Variants in SDCCAG8 observed in about 807,000 individuals in gnomAD.
The protein encoded by SDCCAG8 is serologically defined colon cancer antigen 8.
Under a neutral mutation model 101.8 loss-of-function variants are expected in SDCCAG8, and 74 were observed. The observed-to-expected ratio is 0.73, with a 90% CI of 0.60 to 0.88. SDCCAG8 has a LOEUF of 0.88. SDCCAG8 is among the 40% of genes least tolerant of loss of function. The pLI, the probability that SDCCAG8 is intolerant of heterozygous loss-of-function variation, is 0.00. For missense variants in SDCCAG8, 787 were observed against 822.6 expected, an observed-to-expected ratio of 0.96 and a Z score of 0.53; for synonymous variants, 281 against 292.9, an observed-to-expected ratio of 0.96 and a Z score of 0.41.
intron 8 of SDCCAG8, among the ~76,000 whole-genome samples, 180 bp from the exon 9 acceptor site, chr1:243,316,575 C>T (rs1240239600): frequency 1.3e-5 from 2 of 152,134 alleles, no homozygotes; most frequent in Non-Finnish European, 2.9e-5. Context: ...TCTGGCTGCT[C>T]CGCCCGCCGC....
intron 16 of SDCCAG8, among the ~76,000 whole-genome samples, chr1:243,446,979 C>T (rs568014443): frequency 1.3e-5 from 2 of 152,234 alleles, no homozygotes; most frequent in Admixed American, 6.5e-5. Context: ...TGGCCGGGCA[C>T]GGTGTCTCAC....
At chr1:243,475,810 T>A (rs1662292046) in intron 16 of SDCCAG8, 1 of 311,074 alleles carries the variant, frequency 3.2e-6, no homozygotes, top group East Asian at 1.7e-4. Flanking sequence ...GTGTGCTACT[T>A]TTGAAAAATA....
intron 16 of SDCCAG8, among the ~76,000 whole-genome samples, chr1:243,468,804 CA>C (rs1454208208): frequency 2.0e-5 from 3 of 152,224 alleles, no homozygotes; most frequent in Non-Finnish European, 4.4e-5. Flanking sequence ...TATTGAATCA[CA>C]ATTACCTCAT....
At chr1:243,486,528 G>A (rs895378889) in intron 16 of SDCCAG8, among the ~76,000 whole-genome samples, 3 of 152,202 alleles carry the variant, frequency 2.0e-5, no homozygotes, top group Non-Finnish European at 4.4e-5. Flanking sequence ...AAGCACTCTG[G>A]ACTAAACCTC....
intron 17 of SDCCAG8, among the ~76,000 whole-genome samples, chr1:243,492,295 CTTTTTTTTT>C (rs33950392): frequency 4.8e-5 from 3 of 63,130 alleles, no homozygotes; most frequent in African/African-American, 1.3e-4. Context: ...CGTTTCTTGG[CTTTTTTTTT>C]TTTTTTTTTT....
intron 16 of SDCCAG8, among the ~76,000 whole-genome samples, chr1:243,482,798 C>T: frequency 6.6e-6 from 1 of 152,222 alleles, no homozygotes; most frequent in East Asian, 1.9e-4. Flanking sequence ...CAACCACATC[C>T]TGGGGGCCCT....
chr1:243,450,380 T>C (rs2083261069), intron 16 of SDCCAG8, among the ~76,000 whole-genome samples: 1 of 152,226 alleles, frequency 6.6e-6, no homozygotes, highest in Non-Finnish European at 1.5e-5. Context: ...TTAGCTATTT[T>C]GCAACTCCTT....
At position 243,264,277 on chromosome 1, in the gene SDCCAG8, C is replaced by G. The variant is rs1352967419; in HGVS notation, c.68-5828C>G. ...TGATGAAGACAGGCCCAGTGGTGAC[C>G]TAAGAGTTAGAACATAGGAAGTAGG... On this transcript the variant is annotated intron_variant, in intron 1 of 17. Coordinates refer to ENST00000366541, the MANE Select transcript of SDCCAG8 (RefSeq NM_006642.5). 2.6e-5 allele frequency among the ~76,000 whole-genome samples: 4 copies of G among 152,226 alleles called. No individual in the cohort carries two copies. In the East Asian group the frequency reaches 7.7e-4, roughly 29 times the overall value.
chr1:243,479,240 G>A (rs1663022146), intron 16 of SDCCAG8, among the ~76,000 whole-genome samples: 1 of 152,206 alleles, frequency 6.6e-6, no homozygotes, highest in South Asian at 2.1e-4. Flanking sequence ...AATAGCTAGC[G>A]ATATTTGAAG....
intron 12 of SDCCAG8, among the ~76,000 whole-genome samples, chr1:243,346,801 G>T (rs945951987): frequency 6.6e-6 from 1 of 152,138 alleles, no homozygotes; most frequent in Non-Finnish European, 1.5e-5. Context: ...GAGGCATTTG[G>T]TATGGAGGAG....
chr1:243,391,081 G>T (rs764379704), intron 13 of SDCCAG8, among the ~76,000 whole-genome samples: 1 of 152,180 alleles, frequency 6.6e-6, no homozygotes, highest in Non-Finnish European at 1.5e-5. Context: ...TGACATGTGC[G>T]TGCCACTGTG....
At chr1:243,427,589 C>G in intron 16 of SDCCAG8, among the ~76,000 whole-genome samples, 1 of 152,056 alleles carries the variant, frequency 6.6e-6, no homozygotes, top group Non-Finnish European at 1.5e-5. Flanking sequence ...CATGCCTTCT[C>G]TGTTTCAAAA....
chr1:243,468,572 G>A (rs943550762), intron 16 of SDCCAG8, among the ~76,000 whole-genome samples: 3 of 152,130 alleles, frequency 2.0e-5, no homozygotes, highest in Non-Finnish European at 4.4e-5. Context: ...CTGTAAACTC[G>A]GTGCTTTGGG....
At chr1:243,360,527 T>C (rs2076645764) in intron 12 of SDCCAG8, among the ~76,000 whole-genome samples, 1 of 152,002 alleles carries the variant, frequency 6.6e-6, no homozygotes, top group Non-Finnish European at 1.5e-5. Context: ...AGAGAAAGTC[T>C]GTTAAACTTT....
intron 13 of SDCCAG8, among the ~76,000 whole-genome samples, chr1:243,386,772 A>C (rs866194349): frequency 3.6e-5 from 5 of 139,058 alleles, no homozygotes; most frequent in South Asian, 2.4e-4. Flanking sequence ...AGAAAGTGAG[A>C]GAGAGAGAGA....
At chr1:243,375,151 G>A (rs1437230638) in intron 12 of SDCCAG8, among the ~76,000 whole-genome samples, 4 of 152,008 alleles carry the variant, frequency 2.6e-5, no homozygotes, top group Non-Finnish European at 4.4e-5. Flanking sequence ...TGGGTGGTGC[G>A]AGACCTAAAT....
intron 13 of SDCCAG8, among the ~76,000 whole-genome samples, chr1:243,386,202 C>T (rs1048295304): frequency 3.3e-5 from 5 of 152,118 alleles, no homozygotes; most frequent in African/African-American, 7.2e-5. Flanking sequence ...AACTAAGGCA[C>T]AGAGAAGGAA....
At chr1:243,489,721 A>G (rs1665903596) in intron 17 of SDCCAG8, among the ~76,000 whole-genome samples, 1 of 152,152 alleles carries the variant, frequency 6.6e-6, no homozygotes, top group Non-Finnish European at 1.5e-5. Context: ...TATTGTCTTC[A>G]TGGTTTAGAT....
rs61503073 is a variant in SDCCAG8, at chr1:243,390,186, C to T, written c.1616+11323C>T. ...TGAGTTTTATTCAAGAATTTTTAGC[C>T]TAAAGTTTCCATTTCAAAGTTAAGC... On this transcript the variant is annotated intron_variant, in intron 13 of 17. Transcript: ENST00000366541. Among the ~76,000 whole-genome samples the T allele has an allele frequency of 5.0e-4, 76 of 152,102 alleles. 1 individual carries two copies. In the East Asian group the frequency reaches 0.012, roughly 24 times the overall value.
Sources: gnomAD v4.1 joint callset for allele counts (sites outside exome capture counted in the v4.1 genomes callset) on GRCh38, gnomAD v4.1.1 for gene constraint, MANE v1.5 for transcripts, NCBI Gene and HGNC (gene_info 2026-07-23, HGNC 2026-07-21) for gene names.